The following ASPH variants were observed in gnomAD, a reference collection of about 807,000 sequenced individuals.
ASPH encodes aspartyl/asparaginyl beta-hydroxylase.
ASPH carries 100 observed loss-of-function variants against 118.4 expected under a neutral mutation model. That is an observed-to-expected ratio of 0.84 (90% CI 0.72 to 1.00). ASPH has a LOEUF of 1.00. ASPH is among the 50% of genes least tolerant of loss of function. The pLI is 0.00. For missense variants in ASPH, 920 were observed against 919.5 expected, an observed-to-expected ratio of 1.00 and a Z score of -0.01; for synonymous variants, 315 against 325.6, an observed-to-expected ratio of 0.97 and a Z score of 0.35.
chr8:61,676,576 TAG>T (rs549373907), intron 3 of ASPH, among the ~76,000 whole-genome samples: 100 of 152,190 alleles, frequency 6.6e-4, no homozygotes, highest in Non-Finnish European at 7.9e-4. Flanking sequence ...TTTCTCTCAT[TAG>T]AGTGTTGAGT....
At chr8:61,628,021 C>T (rs932325720) in intron 13 of ASPH, among the ~76,000 whole-genome samples, 2 of 152,072 alleles carry the variant, frequency 1.3e-5, no homozygotes, top group Non-Finnish European at 2.9e-5. Context: ...AAGCTCCCAC[C>T]ATTTTTGGCT....
chr8:61,633,635 T>A, intron 13 of ASPH, 48 bp downstream of exon 13: 2 of 1,495,468 alleles, frequency 1.3e-6, no homozygotes, highest in South Asian at 2.5e-5. Context: ...ATTAACAGGA[T>A]TTTTAAGGAT....
chr8:61,679,993 T>C (rs1827262402), intron 3 of ASPH, among the ~76,000 whole-genome samples: 2 of 148,548 alleles, frequency 1.3e-5, no homozygotes. Context: ...ATTAGGAAGG[T>C]TTATTACCTT....
intron 14 of ASPH, among the ~76,000 whole-genome samples, chr8:61,599,368 T>C (rs1216823423): frequency 2.0e-5 from 3 of 151,184 alleles, no homozygotes; most frequent in African/African-American, 7.3e-5. Context: ...ATACCTAGTG[T>C]AAATGACGAG....
intron 16 of ASPH, among the ~76,000 whole-genome samples, chr8:61,569,577 A>AT (rs74821163): frequency 0.095 from 14,510 of 151,970 alleles, 989 homozygotes; most frequent in East Asian, 0.28. Flanking sequence ...CAACTATGGG[A>AT]TTTTTTTTCA....
intron 22 of ASPH, among the ~76,000 whole-genome samples, chr8:61,521,399 C>T (rs572792553): frequency 7.4e-6 from 1 of 135,564 alleles, no homozygotes; most frequent in South Asian, 2.2e-4. Context: ...ATCCTAGTAA[C>T]AACCCCATAC....
At position 61,526,091 on chromosome 8, in the gene ASPH, A is replaced by G. The variant is rs1296980915; in HGVS notation, c.1786T>C (p.Leu596=). The part of the protein sequence containing the change: ...LVKSLERNWK[L]IRDEGLAVMD... ...ACTGCAAGGCCTTCATCTCGGATTA[A>G]CTTCCAGTTTCTTTCTAAAGACTAG... Residue 596 remains leucine, a synonymous_variant, in exon 22 of 25, where the codon TTA becomes CTA. Coordinates refer to ENST00000379454, the MANE Select transcript of ASPH (RefSeq NM_004318.4). 1 of 1,613,974 alleles carries G rather than the reference A, an allele frequency of 6.2e-7. No homozygotes were observed.
chr8:61,579,434 G>C (rs1335942251), intron 15 of ASPH: 1 of 1,611,512 alleles, frequency 6.2e-7, no homozygotes, highest in African/African-American at 1.3e-5. Flanking sequence ...TGAAGTCTGG[G>C]ATGCAGAACA....
chr8:61,678,970 G>A (rs1005204498), intron 3 of ASPH, among the ~76,000 whole-genome samples: 3 of 152,090 alleles, frequency 2.0e-5, no homozygotes, highest in Non-Finnish European at 4.4e-5. Flanking sequence ...GGCTGTCTTT[G>A]CAGTAACCTT....
Position 61,520,261 on chromosome 8 carries a change from G to C in ASPH, c.1901-2138C>G, listed in dbSNP as rs528749445. Among the ~76,000 whole-genome samples the C allele has an allele frequency of 1.6e-3, 237 of 152,294 alleles. 2 individuals are homozygous for C. The highest frequency in any genetic ancestry group is 3.4e-3 in the Middle Eastern group (1 of 294). Reference sequence around the variant, plus strand: ...CTGCTTATTAGGGAAGATGTGCTCAGAATGTACACAATGTCATCTGCTCTA... The same window carrying C: ...CTGCTTATTAGGGAAGATGTGCTCACAATGTACACAATGTCATCTGCTCTA... On this transcript the variant is annotated intron_variant, in intron 22 of 24. Transcript: ENST00000379454.
intron 20 of ASPH, among the ~76,000 whole-genome samples, chr8:61,550,409 C>T (rs1441182394): frequency 1.4e-5 from 2 of 145,728 alleles, no homozygotes; most frequent in Non-Finnish European, 3.1e-5. Context: ...TTCTTCCAAT[C>T]GTTGCTATGT....
intron 21 of ASPH, among the ~76,000 whole-genome samples, chr8:61,547,450 T>A (rs1824327062): frequency 6.6e-6 from 1 of 152,228 alleles, no homozygotes; most frequent in Non-Finnish European, 1.5e-5. Context: ...CAAAACTACT[T>A]TCTTAATAAT....
intron 13 of ASPH, chr8:61,631,894 G>C (rs1855770555): frequency 6.5e-6 from 1 of 153,964 alleles, no homozygotes; most frequent in Non-Finnish European, 1.5e-5. Flanking sequence ...AGCTTTGGGA[G>C]GGATGCACAT....
At position 61,501,197 on chromosome 8, in the gene ASPH, C is replaced by CATAG. The variant is rs891261473; in HGVS notation, c.*2158_*2161dup. ...GAAACACTTTTCTTATGTACCAAGACATAGATAGGTAAGAGAAATAAAGAA... is the reference window on the plus strand; with the variant it reads ...GAAACACTTTTCTTATGTACCAAGACATAGATAGATAGGTAAGAGAAATAAAGAA... On this transcript the variant is annotated 3_prime_UTR_variant, in exon 25 of 25. Coordinates refer to ENST00000379454, the MANE Select transcript of ASPH (RefSeq NM_004318.4). The CATAG allele has an allele frequency of 6.6e-6, 1 of 152,046 alleles. No homozygotes were observed. The highest frequency in any genetic ancestry group is 2.1e-4 in the South Asian group (1 of 4,828). 9.4% of individuals were successfully genotyped at this position (152,046 alleles called of 1,614,324 possible).
chr8:61,526,484 T>C (rs937605407), intron 21 of ASPH, among the ~76,000 whole-genome samples: 1 of 152,146 alleles, frequency 6.6e-6, no homozygotes, highest in African/African-American at 2.4e-5. Flanking sequence ...CACTCCAGCC[T>C]CTAAACTGGA....
At chr8:61,562,332 A>G (rs1371387131) in intron 18 of ASPH, among the ~76,000 whole-genome samples, 6 of 143,758 alleles carry the variant, frequency 4.2e-5, no homozygotes, top group African/African-American at 7.8e-5. Context: ...TGTTCTATAT[A>G]GCCTCTCTCT....
rs550366041 is a variant in ASPH at position 61,639,422 on chromosome 8, G to A, written c.791-1059C>T. On this transcript the variant is annotated intron_variant, in intron 10 of 24. Coordinates refer to ENST00000379454, the MANE Select transcript of ASPH (RefSeq NM_004318.4). ...GCCTCATTTGATATGATGGACACTCGCCAGCCCTCGCTATATTTTTAGCAA... is the reference window on the plus strand; with the variant it reads ...GCCTCATTTGATATGATGGACACTCACCAGCCCTCGCTATATTTTTAGCAA... Among the ~76,000 whole-genome samples the A allele has an allele frequency of 3.7e-4, 56 of 152,094 alleles. 1 individual carries two copies. The Middle Eastern group carries it at 0.027, about 74-fold the overall frequency.
rs903767077 is a variant in ASPH at position 61,704,003 on chromosome 8, G to A, written c.103+10266C>T. Among the ~76,000 whole-genome samples the A allele has an allele frequency of 1.2e-4, 18 of 151,750 alleles. 1 individual carries two copies. Among genetic ancestry groups the A allele is most frequent in the Admixed American group, 4.6e-4 (7 of 15,228 alleles). ...GAGGTCAGGAGATCGAGACCATCCC[G>A]GCTAAAACGGTGAAACCCCGTCTCT... On this transcript the variant is annotated intron_variant, in intron 1 of 24. Transcript: ENST00000379454.
intron 22 of ASPH, among the ~76,000 whole-genome samples, chr8:61,519,914 ATTAAG>A (rs2129619950): frequency 1.3e-5 from 2 of 152,356 alleles, no homozygotes; most frequent in South Asian, 4.1e-4. Flanking sequence ...GTTTTAAGCT[ATTAAG>A]TTTTGTGGTA....
Sources: gnomAD v4.1 joint callset for allele counts (sites outside exome capture counted in the v4.1 genomes callset) on GRCh38, gnomAD v4.1.1 for gene constraint, MANE v1.5 for transcripts, NCBI Gene and HGNC (gene_info 2026-07-23, HGNC 2026-07-21) for gene names.